The following PLCB4 variants were observed in gnomAD, a reference collection of about 807,000 sequenced individuals.
PLCB4 encodes the protein 1-phosphatidylinositol 4,5-bisphosphate phosphodiesterase beta-4.
Under a neutral mutation model 178.8 loss-of-function variants are expected in PLCB4, and 77 were observed. The ratio of observed to expected loss-of-function variants is 0.43; its 90% CI spans 0.36 to 0.52. PLCB4 has a LOEUF of 0.52. PLCB4 is among the 20% of genes least tolerant of loss of function. The pLI is 0.00. For synonymous variants in PLCB4, 496 were observed against 490.8 expected (o/e 1.01, Z -0.14); for missense variants, 1,024 against 1,453.4 (o/e 0.70, Z 4.80).
chr20:9,300,773 T>A (rs16995736), intron 3 of PLCB4, among the ~76,000 whole-genome samples: 2 of 152,002 alleles, frequency 1.3e-5, no homozygotes, highest in African/African-American at 4.8e-5. Flanking sequence ...CAGTCTGTAC[T>A]GCATTCCAAA....
intron 19 of PLCB4, among the ~76,000 whole-genome samples, chr20:9,399,561 A>G (rs1029068532): frequency 2.0e-5 from 3 of 152,258 alleles, no homozygotes; most frequent in Non-Finnish European, 4.4e-5. Flanking sequence ...GTGCCCAGGC[A>G]TTAGGCTGGA....
At chr20:9,456,218 A>T (rs1301876354) in intron 33 of PLCB4, among the ~76,000 whole-genome samples, 1 of 152,220 alleles carries the variant, frequency 6.6e-6, no homozygotes, top group Non-Finnish European at 1.5e-5. Context: ...TTTCTCATGC[A>T]GGATCTATTT....
At chr20:9,289,531 A>G (rs1156847695) in intron 3 of PLCB4, among the ~76,000 whole-genome samples, 1 of 152,044 alleles carries the variant, frequency 6.6e-6, no homozygotes, top group African/African-American at 2.4e-5. Flanking sequence ...TTCAAAGTGG[A>G]AAATTGGAAA....
chr20:9,427,204 G>A (rs1016197828), intron 28 of PLCB4, among the ~76,000 whole-genome samples: 22 of 152,078 alleles, frequency 1.4e-4, no homozygotes, highest in African/African-American at 5.1e-4. Flanking sequence ...CAGCCTGGTT[G>A]ACAGAGCAAG....
chr20:9,320,576 T>C (rs1052867694), intron 4 of PLCB4, among the ~76,000 whole-genome samples: 2 of 152,190 alleles, frequency 1.3e-5, no homozygotes, highest in African/African-American at 4.8e-5. Flanking sequence ...CTGTTCAAGA[T>C]GGAGTGGTTC....
rs183405313 is a variant in PLCB4 at position 9,406,339 on chromosome 20, G to C, written c.1647+991G>C. ...CGGACATGGCCGTTGTTTGGTGGGG[G>C]AGCAGGAGGACACATTAAGAAAATG... On this transcript the variant is annotated intron_variant, in intron 21 of 39. Coordinates refer to ENST00000378473, the MANE Select transcript of PLCB4 (RefSeq NM_001377142.1). Among the ~76,000 whole-genome samples the C allele has an allele frequency of 4.9e-3, 753 of 152,190 alleles. 6 individuals carry two copies. The highest frequency in any genetic ancestry group is 0.017 in the African/African-American group (719 of 41,532).
intron 25 of PLCB4, among the ~76,000 whole-genome samples, chr20:9,418,937 GT>G (rs930965875): frequency 2.6e-5 from 4 of 151,738 alleles, no homozygotes; most frequent in Admixed American, 2.6e-4. Flanking sequence ...TTATAGAATT[GT>G]TTTCTTAATT....
intron 2 of PLCB4, among the ~76,000 whole-genome samples, chr20:9,097,968 A>G (rs1328946969): frequency 6.6e-6 from 1 of 152,242 alleles, no homozygotes; most frequent in Non-Finnish European, 1.5e-5. Context: ...GCATTTGGAC[A>G]TAAATAAACC....
intron 3 of PLCB4, among the ~76,000 whole-genome samples, chr20:9,279,059 G>T (rs1308162391): frequency 6.6e-6 from 1 of 151,996 alleles, no homozygotes; most frequent in Non-Finnish European, 1.5e-5. Flanking sequence ...TTGTATGTTG[G>T]ATGGCCTCAA....
At chr20:9,476,805 C>G in intron 39 of PLCB4, 52 bp downstream of exon 39, 1 of 1,252,038 alleles carries the variant, frequency 8.0e-7, no homozygotes, top group Non-Finnish European at 1.2e-6. Flanking sequence ...TCGACTACGT[C>G]CGTATTCTCT....
At chr20:9,467,113 G>C (rs923738542) in intron 35 of PLCB4, among the ~76,000 whole-genome samples, 1 of 152,216 alleles carries the variant, frequency 6.6e-6, no homozygotes, top group Admixed American at 6.5e-5. Flanking sequence ...AAAAGGATGA[G>C]TTCATGTCCT....
At chr20:9,103,020 A>G (rs1209359760) in intron 2 of PLCB4, among the ~76,000 whole-genome samples, 1 of 140,284 alleles carries the variant, frequency 7.1e-6, no homozygotes, top group African/African-American at 2.6e-5. Flanking sequence ...CTGCTCTGCC[A>G]TTGTACTTTT....
chr20:9,254,529 C>A (rs972879900), intron 3 of PLCB4, among the ~76,000 whole-genome samples: 1 of 152,044 alleles, frequency 6.6e-6, no homozygotes, highest in African/African-American at 2.4e-5. Flanking sequence ...GAAACTCTGT[C>A]TCTACTAAAA....
intron 2 of PLCB4, among the ~76,000 whole-genome samples, chr20:9,156,561 A>T (rs2092791600): frequency 6.6e-6 from 1 of 152,188 alleles, no homozygotes; most frequent in Non-Finnish European, 1.5e-5. Context: ...TTAGAGAAGT[A>T]AAGGTCTAAT....
chr20:9,180,626 T>C (rs892953246), intron 2 of PLCB4, among the ~76,000 whole-genome samples: 1 of 152,200 alleles, frequency 6.6e-6, no homozygotes, highest in Non-Finnish European at 1.5e-5. Flanking sequence ...GGTGGGACTC[T>C]TGCTAAGCTG....
At chr20:9,292,728 T>G (rs1023484100) in intron 3 of PLCB4, among the ~76,000 whole-genome samples, 6 of 152,244 alleles carry the variant, frequency 3.9e-5, no homozygotes, top group African/African-American at 1.2e-4. Flanking sequence ...CAAAACACTG[T>G]GAACAGCATT....
rs375191340 is a variant in PLCB4, at chr20:9,437,065, G to A, written c.2677G>A (p.Ala893Thr). 3.4e-5 allele frequency: 55 copies of A among 1,613,886 alleles called. No homozygotes were observed. The African/African-American group carries it at 5.1e-4, about 15-fold the overall frequency. ...TGACAAGAAAGGAAAGGCCAACACCGCCAAAGCAAATGTGACCCCTCAGAG... is the reference window on the plus strand; with the variant it reads ...TGACAAGAAAGGAAAGGCCAACACCACCAAAGCAAATGTGACCCCTCAGAG... ...KNDKKGKANT[A>T]KANVTPQSSS... The change falls in exon 30 of 40, where the codon GCC becomes ACC. Residue 893 changes from alanine (A) to threonine (T), a missense_variant. Coordinates refer to ENST00000378473, the MANE Select transcript of PLCB4 (RefSeq NM_001377142.1).
chr20:9,270,090 T>G (rs894765131), intron 3 of PLCB4, among the ~76,000 whole-genome samples: 1 of 152,172 alleles, frequency 6.6e-6, no homozygotes, highest in Non-Finnish European at 1.5e-5. Flanking sequence ...ATTTTATTAA[T>G]GAAGTTCCTT....
intron 28 of PLCB4, among the ~76,000 whole-genome samples, chr20:9,435,168 G>A (rs1209094323): frequency 6.6e-6 from 1 of 152,132 alleles, no homozygotes; most frequent in Non-Finnish European, 1.5e-5. Flanking sequence ...ATTCTGCAGG[G>A]CAGGTGGTAT....
Sources: gnomAD v4.1 joint callset for allele counts (sites outside exome capture counted in the v4.1 genomes callset) on GRCh38, gnomAD v4.1.1 for gene constraint, MANE v1.5 for transcripts, NCBI Gene and HGNC (gene_info 2026-07-23, HGNC 2026-07-21) for gene names.